Variants in SPTBN1 observed in about 807,000 individuals in gnomAD.
SPTBN1 encodes the protein spectrin beta, non-erythrocytic 1.
Under a neutral mutation model 266.4 loss-of-function variants are expected in SPTBN1, and 32 were observed. The ratio of observed to expected loss-of-function variants is 0.12; its 90% confidence interval spans 0.09 to 0.16. The LOEUF (loss-of-function observed/expected upper bound fraction) is 0.16. SPTBN1 is among the 10% of genes least tolerant of loss of function. The probability of loss-of-function intolerance (pLI) is 1.00; values close to 1 mark genes in which losing one functional copy is unlikely to be tolerated. For missense variants in SPTBN1, 2,296 were observed against 3,067.1 expected (o/e 0.75, Z 5.94); for synonymous variants, 1,336 against 1,162.2 (o/e 1.15, Z -3.04).
chr2:54,486,085 C>T lies in SPTBN1; in HGVS notation c.-48+29567C>T, dbSNP rs1177478990. ...CCTCTGCCCGGCCAGCCACCCTGTC[C>T]GGGAGGGAGGTGGGGGGGTCAGCCC... On this transcript the variant is annotated intron_variant, in intron 1 of 35. Transcript: ENST00000356805. Among the ~76,000 whole-genome samples the T allele has an allele frequency of 1.1e-4, 16 of 147,772 alleles. No homozygotes were observed. In the South Asian group the frequency reaches 1.5e-3, roughly 14 times the overall value.
intron 2 of SPTBN1, chr2:54,546,578 C>A (rs1672250129): frequency 6.6e-6 from 1 of 152,116 alleles, no homozygotes; most frequent in Non-Finnish European, 1.5e-5. Context: ...AGTTTTTGAA[C>A]AATTTCATGA....
chr2:54,578,013 G>A (rs1346079973), intron 2 of SPTBN1, among the ~76,000 whole-genome samples: 1 of 152,202 alleles, frequency 6.6e-6, no homozygotes, highest in Non-Finnish European at 1.5e-5. Flanking sequence ...TTATCTTGGA[G>A]GACTTTATTC....
At chr2:54,493,417 G>GGGGGT (rs1370587328) in intron 1 of SPTBN1, among the ~76,000 whole-genome samples, 10 of 149,878 alleles carry the variant, frequency 6.7e-5, no homozygotes, top group Admixed American at 2.0e-4. Context: ...TTTTTTGGGG[G>GGGGGT]GTTGGGGGAG....
intron 2 of SPTBN1, among the ~76,000 whole-genome samples, chr2:54,571,558 C>CACACACACACAT (rs1674078636): frequency 1.4e-5 from 1 of 73,016 alleles, no homozygotes; most frequent in Admixed American, 1.5e-4. Flanking sequence ...CACACACACA[C>CACACACACACAT]ACACACACAC....
rs563500162 is a variant in SPTBN1, at chr2:54,667,719, C to T, written c.6876+73C>T. 7.8e-5 allele frequency: 105 copies of T among 1,341,788 alleles called. No homozygotes were observed. In the African/African-American group the frequency reaches 1.4e-3, roughly 18 times the overall value. The allele number at this position is 1,341,788 out of a possible 1,614,324, so 83.1% of individuals were successfully genotyped here. On this transcript the variant is annotated intron_variant, in intron 35 of 35. Coordinates refer to ENST00000356805, the MANE Select transcript of SPTBN1 (RefSeq NM_003128.3). ...TGTTTGTGTGATGATGGGCTTTATTCAGAAAGTTCTTCATGTAAATGATGA... is the reference window on the plus strand; with the variant it reads ...TGTTTGTGTGATGATGGGCTTTATTTAGAAAGTTCTTCATGTAAATGATGA...
In SPTBN1 at chr2:54,643,067, A is replaced by G; in HGVS notation, c.3943A>G (p.Lys1315Glu). The change falls in exon 19 of 36, where the codon AAG (lysine) becomes GAG (glutamate). Residue 1315 changes from lysine to glutamate, a missense_variant. Lys to Glu is a moderately conservative substitution (Grantham distance 56). Around this residue, in one of 12 missense-constraint regions of SPTBN1, gnomAD observed 386 missense variants for 486.1 expected, o/e 0.79. Coordinates refer to ENST00000356805, the MANE Select transcript of SPTBN1 (RefSeq NM_003128.3). ...EARNLHSKWLKHQAFMAELAS... is the reference protein window; with the variant it reads ...EARNLHSKWLEHQAFMAELAS... ...CAGAAATCTGCACAGTAAATGGTTG[A>G]AGCATCAAGCATTTATGGCAGAACT... 6.2e-7 allele frequency: 1 copy of G among 1,614,178 alleles called. No homozygotes were observed. The highest frequency in any genetic ancestry group is 8.5e-7 in the Non-Finnish European group (1 of 1,180,004).
Position 54,644,379 on chromosome 2 carries a change from A to G in SPTBN1, c.4062A>G (p.Lys1354=), listed in dbSNP as rs764703280. ...AGACGGAAGCTGTGGTGAAGGAGAA[A>G]CTCACTGGTTTACATAAAATGTGGG... is the stretch of plus-strand genomic sequence containing the variant. ...KPETEAVVKE[K]LTGLHKMWEV... Residue 1354 remains lysine, a synonymous_variant, in exon 20 of 36, where the codon AAA becomes AAG. Transcript: ENST00000356805. 6.2e-6 allele frequency: 10 copies of G among 1,614,016 alleles called. No individual in the cohort carries two copies. The highest frequency in any genetic ancestry group is 7.6e-6 in the Non-Finnish European group (9 of 1,179,918).
intron 1 of SPTBN1, among the ~76,000 whole-genome samples, chr2:54,465,093 T>C (rs1473436124): frequency 6.6e-6 from 1 of 152,238 alleles, no homozygotes; most frequent in East Asian, 1.9e-4. Context: ...TGTAGATCAT[T>C]ATTAAGAAAT....
At chr2:54,490,234 G>A (rs1668615838) in intron 1 of SPTBN1, among the ~76,000 whole-genome samples, 1 of 152,038 alleles carries the variant, frequency 6.6e-6, no homozygotes, top group South Asian at 2.1e-4. Flanking sequence ...ACCATGCCCT[G>A]CTAACTTTTG....
intron 4 of SPTBN1, among the ~76,000 whole-genome samples, chr2:54,615,825 G>T (rs767556664): frequency 1.3e-5 from 2 of 152,240 alleles, no homozygotes; most frequent in South Asian, 2.1e-4. Context: ...AAGGTTGCAC[G>T]TGGTGTGAAA....
intron 1 of SPTBN1, among the ~76,000 whole-genome samples, chr2:54,490,455 G>A (rs1007270342): frequency 3.9e-5 from 6 of 151,964 alleles, no homozygotes; most frequent in African/African-American, 1.5e-4. Context: ...ATTCAGATGG[G>A]GTCCACAAAA....
At position 54,653,345 on chromosome 2, in the gene SPTBN1, C is replaced by G. The variant is rs758861462; in HGVS notation, c.5578-264C>G. 35 of 432,274 alleles carry G rather than the reference C, an allele frequency of 8.1e-5. No homozygotes were observed. The highest frequency in any genetic ancestry group is 1.3e-4 in the Admixed American group (3 of 22,668). The allele number at this position is 432,274 out of a possible 1,614,324, so 26.8% of individuals were successfully genotyped here. On this transcript the variant is annotated intron_variant, in intron 26 of 35. Coordinates refer to ENST00000356805, the MANE Select transcript of SPTBN1 (RefSeq NM_003128.3). This position sits in a 1 kb window ranked among gnomAD's most constrained non-coding sequence, Gnocchi z 5.1. ...GCTGCCTCCAGGGGACTTTCCCTGA[C>G]TAAACTCTCCTGCCTGTCTTCCTGT...
chr2:54,513,012 C>A (rs569015291), intron 1 of SPTBN1, among the ~76,000 whole-genome samples: 1 of 152,188 alleles, frequency 6.6e-6, no homozygotes, highest in South Asian at 2.1e-4. Context: ...GGCAGCATGG[C>A]GAAACCCTGG....
intron 18 of SPTBN1, among the ~76,000 whole-genome samples, chr2:54,642,734 A>G (rs1679659852): frequency 6.6e-6 from 1 of 152,048 alleles, no homozygotes; most frequent in South Asian, 2.1e-4. Context: ...CAGTTTGAAA[A>G]CTGGCTTATA....
At chr2:54,660,157 A>G in intron 32 of SPTBN1, 158 bp downstream of exon 32, 5 of 1,526,730 alleles carry the variant, frequency 3.3e-6, no homozygotes, top group Non-Finnish European at 1.8e-6. Context: ...CTTCCACTTC[A>G]CCCAAAATGT....
Position 54,644,394 on chromosome 2 carries a change from T to A in SPTBN1, c.4077T>A (p.His1359Gln). 1.2e-6 allele frequency: 2 copies of A among 1,614,234 alleles called. No homozygotes were observed. The highest frequency in any genetic ancestry group is 8.5e-7 in the Non-Finnish European group (1 of 1,180,024). ...TGAAGGAGAAACTCACTGGTTTACA[T>A]AAAATGTGGGAAGTCCTTGAATCCA... is the stretch of plus-strand genomic sequence containing the variant. ...AVVKEKLTGLHKMWEVLESTT... is the reference protein window; with the variant it reads ...AVVKEKLTGLQKMWEVLESTT... Residue 1359 changes from histidine (H) to glutamine (Q), a missense_variant, in exon 20 of 36, where the codon CAT (histidine) becomes CAA (glutamine). Physicochemically the swap from His to Gln is conservative, Grantham distance 24. Coordinates refer to ENST00000356805, the MANE Select transcript of SPTBN1 (RefSeq NM_003128.3).
At chr2:54,472,727 A>G (rs1693993978) in intron 1 of SPTBN1, among the ~76,000 whole-genome samples, 1 of 152,088 alleles carries the variant, frequency 6.6e-6, no homozygotes, top group African/African-American at 2.4e-5. Context: ...TGCCTGTGGG[A>G]CTAATCTAAA....
chr2:54,659,140 C>G lies in SPTBN1; in HGVS notation c.6244-14C>G, dbSNP rs375599487. ...GTTTGGGACTCTACCAAACATCACT[C>G]TATTTTCTCTTAGTTGGAGTTACTG... On this transcript the variant is annotated splice_polypyrimidine_tract_variant and intron_variant, in intron 30 of 35. Coordinates refer to ENST00000356805, the MANE Select transcript of SPTBN1 (RefSeq NM_003128.3). 1.1e-5 allele frequency: 18 copies of G among 1,613,394 alleles called. No homozygotes were observed. The highest frequency in any genetic ancestry group is 2.7e-5 in the African/African-American group (2 of 74,892).
intron 2 of SPTBN1, among the ~76,000 whole-genome samples, chr2:54,576,523 T>G (rs1221373284): frequency 6.6e-6 from 1 of 152,124 alleles, no homozygotes. Flanking sequence ...TACTCAAAAC[T>G]CAACTGACAA....
Sources: gnomAD v4.1 joint callset for allele counts (sites outside exome capture counted in the v4.1 genomes callset) on GRCh38, gnomAD v4.1.1 for gene constraint, gnomAD v4.1.1 regional missense constraint, Gnocchi (gnomAD v3.1) non-coding constraint, MANE v1.5 for transcripts, NCBI Gene and HGNC (gene_info 2026-07-23, HGNC 2026-07-21) for gene names.